Variants in TMEM184B observed in about 807,000 individuals in gnomAD.
TMEM184B encodes the protein putative MAPK-activating protein FM08.
Under a neutral mutation model 41.8 loss-of-function variants are expected in TMEM184B, and 17 were observed. That is an observed-to-expected ratio of 0.41 (90% CI 0.28 to 0.61). The LOEUF is 0.61. Among genes scored for constraint, TMEM184B ranks in the 20% least tolerant of loss-of-function variants. TMEM184B has a pLI of 0.34. For missense variants in TMEM184B, 393 were observed against 557.8 expected (o/e 0.70, Z 2.98); for synonymous variants, 240 against 229.5 (o/e 1.05, Z -0.41).
Position 38,226,652 on chromosome 22 carries a change from T to G in TMEM184B, c.617+127A>C. On this transcript the variant is annotated intron_variant, in intron 6 of 8. Transcript: ENST00000361906. The surrounding 1 kb of genome is among the most constrained non-coding windows in gnomAD (Gnocchi z 4.6). ...CTGCTGGGCTCAGACTTCAGGGGGG[T>G]TGTGAGCACCAGACACCCAGGAAGG... 4.4e-6 allele frequency: 4 copies of G among 915,480 alleles called. No homozygotes were observed. The highest frequency in any genetic ancestry group is 1.6e-5 in the South Asian group (1 of 61,904). 56.7% of individuals were successfully genotyped at this position (915,480 alleles called of 1,614,324 possible).
chr22:38,225,684 C>T lies in TMEM184B; in HGVS notation c.618-91G>A. ...CACCACACACAGTCCCCATGGCTCT[C>T]AGCCCCACACCTCCAGCAGAGCTCA... On this transcript the variant is annotated intron_variant, in intron 6 of 8. Transcript: ENST00000361906. The surrounding 1 kb of genome is among the most constrained non-coding windows in gnomAD (Gnocchi z 4.4). The T allele has an allele frequency of 7.3e-7, 1 of 1,365,272 alleles. No individual in the cohort carries two copies. The highest frequency in any genetic ancestry group is 9.7e-7 in the Non-Finnish European group (1 of 1,030,896). 84.6% of individuals were successfully genotyped at this position (1,365,272 alleles called of 1,614,324 possible).
chr22:38,259,736 G>A (rs1209098879), intron 1 of TMEM184B, among the ~76,000 whole-genome samples: 4 of 152,196 alleles, frequency 2.6e-5, no homozygotes, highest in Admixed American at 2.6e-4. Flanking sequence ...GTGTGCGCAT[G>A]CATTTTATTG....
chr22:38,220,465 C>G lies in TMEM184B; in HGVS notation c.*1004G>C, dbSNP rs1426483100. On this transcript the variant is annotated 3_prime_UTR_variant, in exon 9 of 9. Transcript: ENST00000361906. ...AGGGGCCCCGAGAGGAGTCTGGGAC[C>G]ATTCCCCCCACCTCCCAGCTCCCCA... The G allele has an allele frequency of 1.0e-6, 1 of 985,786 alleles. No homozygotes were observed. The highest frequency in any genetic ancestry group is 6.1e-5 in the Admixed American group (1 of 16,262). 61.1% of individuals were successfully genotyped at this position (985,786 alleles called of 1,614,324 possible).
In TMEM184B at chr22:38,221,554, G is replaced by A; in HGVS notation, c.1139C>T (p.Ala380Val). The change falls in exon 9 of 9, where the codon GCC (alanine) becomes GTC (valine). Residue 380 changes from alanine (A) to valine (V), a missense_variant. Ala to Val is a moderately conservative substitution (Grantham distance 64). This residue lies in a region of TMEM184B where 271 missense variants were observed against 434.1 expected (regional missense o/e 0.62). Coordinates refer to ENST00000361906, the MANE Select transcript of TMEM184B (RefSeq NM_012264.5). ...LEPGPTWRGGAHGLSRSHSLS... is the reference protein window; with the variant it reads ...LEPGPTWRGGVHGLSRSHSLS... ...GCTGTGGGAGCGGGAGAGGCCGTGG[G>A]CGCCACCACGCCAGGTGGGCCCAGG... The A allele has an allele frequency of 1.9e-6, 3 of 1,613,898 alleles. No individual in the cohort carries two copies. Among genetic ancestry groups the A allele is most frequent in the Non-Finnish European group, 2.5e-6 (3 of 1,179,956 alleles).
In TMEM184B at chr22:38,219,873, T is replaced by TGGCCTCTGGCACCCACATGCA; in HGVS notation, c.*1575_*1595dup. ...CCCCCCCAAGATGGAGGGGGAGAGC[T>TGGCCTCTGGCACCCACATGCA]GGCCTCTGGCACCCACATGCAGGCC... On this transcript the variant is annotated 3_prime_UTR_variant, in exon 9 of 9. Transcript: ENST00000361906. The TGGCCTCTGGCACCCACATGCA allele has an allele frequency of 1.0e-6, 1 of 984,622 alleles. No homozygotes were observed. The highest frequency in any genetic ancestry group is 1.2e-6 in the Non-Finnish European group (1 of 829,654). 61.0% of individuals were successfully genotyped at this position (984,622 alleles called of 1,614,324 possible).
At position 38,225,378 on chromosome 22, in the gene TMEM184B, G is replaced by C; in HGVS notation, c.787+46C>G. 2 of 1,524,784 alleles carry C rather than the reference G, an allele frequency of 1.3e-6. No homozygotes were observed. The highest frequency in any genetic ancestry group is 1.8e-6 in the Non-Finnish European group (2 of 1,138,990). 94.5% of individuals were successfully genotyped at this position (1,524,784 alleles called of 1,614,324 possible). ...CAGAAGGGGCAGCAGGAAGCGCAGA[G>C]GACAGGGTGGCATGGGCAGCCTCCA... On this transcript the variant is annotated intron_variant, in intron 7 of 8. Transcript: ENST00000361906. The surrounding 1 kb of genome is among the most constrained non-coding windows in gnomAD (Gnocchi z 4.4).
At chr22:38,224,319 T>C (rs2146070837) in intron 8 of TMEM184B, among the ~76,000 whole-genome samples, 1 of 152,324 alleles carries the variant, frequency 6.6e-6, no homozygotes, top group South Asian at 2.1e-4. Context: ...TTTCACCGTG[T>C]TAGCCAGGAT....
chr22:38,265,910 G>T (rs2092437514), intron 1 of TMEM184B, among the ~76,000 whole-genome samples: 1 of 152,244 alleles, frequency 6.6e-6, no homozygotes, highest in South Asian at 2.1e-4. Context: ...ATGGGGAACA[G>T]CCCTGCTGAG....
chr22:38,230,535 G>T (rs2145594304), intron 5 of TMEM184B, 134 bp downstream of exon 5: 2 of 808,900 alleles, frequency 2.5e-6, no homozygotes, highest in Non-Finnish European at 2.0e-6. Context: ...ACAGCTTCGG[G>T]GGGTGGGTGC....
intron 1 of TMEM184B, among the ~76,000 whole-genome samples, chr22:38,262,693 G>A (rs2092388841): frequency 6.6e-6 from 1 of 152,176 alleles, no homozygotes; most frequent in African/African-American, 2.4e-5. Context: ...GGCCCAGAGA[G>A]GGCTCCATCT....
chr22:38,227,118 G>A (rs1424264776), intron 5 of TMEM184B, among the ~76,000 whole-genome samples: 1 of 152,002 alleles, frequency 6.6e-6, no homozygotes, highest in Non-Finnish European at 1.5e-5. Context: ...TGTCTGCGCG[G>A]GGCGGGGGGC....
intron 1 of TMEM184B, among the ~76,000 whole-genome samples, chr22:38,251,602 T>G (rs2092163900): frequency 6.6e-6 from 1 of 151,982 alleles, no homozygotes; most frequent in Admixed American, 6.5e-5. Flanking sequence ...CTGTTCACAG[T>G]GTGTTGGGGC....
At chr22:38,271,674 T>A (rs1466251789) in intron 1 of TMEM184B, among the ~76,000 whole-genome samples, 2 of 152,178 alleles carry the variant, frequency 1.3e-5, no homozygotes, top group African/African-American at 4.8e-5. Context: ...CCAAATCTGA[T>A]TCCCCCATGC....
intron 2 of TMEM184B, among the ~76,000 whole-genome samples, chr22:38,246,316 G>A (rs1473366998): frequency 2.0e-5 from 3 of 152,224 alleles, no homozygotes; most frequent in African/African-American, 4.8e-5. Context: ...AAGGCTCGTG[G>A]AGTGCATGCA....
intron 3 of TMEM184B, chr22:38,231,562 GC>G (rs1194412445): frequency 3.0e-6 from 2 of 659,394 alleles, no homozygotes; most frequent in Non-Finnish European, 5.5e-6. Context: ...ATCCCGGGAT[GC>G]ACCCCTGCAC....
At chr22:38,246,649 T>C in intron 2 of TMEM184B, 1 of 410,002 alleles carries the variant, frequency 2.4e-6, no homozygotes, top group Non-Finnish European at 4.0e-6. Context: ...GTCCTCAGGT[T>C]GTGCCTCCTC....
At chr22:38,262,571 G>C (rs135711) in intron 1 of TMEM184B, among the ~76,000 whole-genome samples, 55,304 of 152,120 alleles carry the variant, frequency 0.36, 10,340 homozygotes, top group Middle Eastern at 0.5. Flanking sequence ...CTGAGTTAAA[G>C]TGTATCTTTC....
chr22:38,234,845 T>C (rs962531577), intron 3 of TMEM184B, among the ~76,000 whole-genome samples: 1 of 152,176 alleles, frequency 6.6e-6, no homozygotes, highest in Non-Finnish European at 1.5e-5. Context: ...TCCCACCTCT[T>C]AGGAGCTGTG....
Position 38,221,346 on chromosome 22 carries a change from T to C in TMEM184B, c.*123A>G, listed in dbSNP as rs2091253610. On this transcript the variant is annotated 3_prime_UTR_variant, in exon 9 of 9. Coordinates refer to ENST00000361906, the MANE Select transcript of TMEM184B (RefSeq NM_012264.5). ...GGAAGTGACATGTGAGTGTTTCTGG[T>C]CCAATAAATAAAGGCGGCGTGAGCA... 2.1e-6 allele frequency: 3 copies of C among 1,461,944 alleles called. No individual in the cohort carries two copies. The highest frequency in any genetic ancestry group is 2.7e-6 in the Non-Finnish European group (3 of 1,113,082). The allele number at this position is 1,461,944 out of a possible 1,614,324, so 90.6% of individuals were successfully genotyped here.
Sources: allele counts gnomAD v4.1 joint callset (sites outside exome capture counted in the v4.1 genomes callset), GRCh38; gene constraint gnomAD v4.1.1; regional missense constraint gnomAD v4.1.1; non-coding constraint Gnocchi (gnomAD v3.1); transcripts MANE v1.5; gene names NCBI Gene and HGNC (gene_info 2026-07-23, HGNC 2026-07-21).